The following UNC13D variants were observed in gnomAD, a reference collection of about 807,000 sequenced individuals.
UNC13D encodes the protein protein unc-13 homolog D.
UNC13D carries 115 observed loss-of-function variants against 151.7 expected under a neutral mutation model. The observed-to-expected ratio is 0.76, with a 90% CI of 0.65 to 0.88. The LOEUF (loss-of-function observed/expected upper bound fraction) is 0.88. Ranked by LOEUF, UNC13D falls within the 40% of genes least tolerant of loss-of-function variation. The pLI is 0.00. For missense variants in UNC13D, 1,369 were observed against 1,438.7 expected, an observed-to-expected ratio of 0.95 and a Z score of 0.78; for synonymous variants, 588 against 612.2, an observed-to-expected ratio of 0.96 and a Z score of 0.58.
At position 75,835,884 on chromosome 17, in the gene UNC13D, A is replaced by C. The variant is rs1288741055; in HGVS notation, c.1567T>G (p.Ser523Ala). The change falls in exon 18 of 32, where the codon TCC becomes GCC. Residue 523 changes from serine to alanine, a missense_variant. This residue lies in a region of UNC13D where 807 missense variants were observed against 795.5 expected (regional missense o/e 1.01). Coordinates refer to ENST00000207549, the MANE Select transcript of UNC13D (RefSeq NM_199242.3). ...FHNTLKIHLF[S>A]MAFRELQWLV... is the part of the protein sequence containing the mutation. ...CACTGCAGCTCCCGGAAAGCCATGGAGAAGAGGTGGATCTTGAGGGTACTG... is the reference window on the plus strand; with the variant it reads ...CACTGCAGCTCCCGGAAAGCCATGGCGAAGAGGTGGATCTTGAGGGTACTG... 1.2e-6 allele frequency: 2 copies of C among 1,614,148 alleles called. No homozygotes were observed. Among genetic ancestry groups the C allele is most frequent in the Non-Finnish European group, 1.7e-6 (2 of 1,180,010 alleles).
chr17:75,841,655 T>G (rs921757609), intron 6 of UNC13D, among the ~76,000 whole-genome samples: 2 of 150,706 alleles, frequency 1.3e-5, no homozygotes, highest in African/African-American at 4.9e-5. Context: ...TTGGCCAGGC[T>G]GGTCTCAAAC....
chr17:75,830,647 G>A lies in UNC13D; in HGVS notation c.2640C>T (p.Asp880=). The A allele has an allele frequency of 6.4e-7, 1 of 1,554,482 alleles. No individual in the cohort carries two copies. Among genetic ancestry groups the A allele is most frequent in the Non-Finnish European group, 8.7e-7 (1 of 1,149,234 alleles). The change falls in exon 28 of 32, where the codon GAC becomes GAT. Residue 880 remains aspartate (D), a synonymous_variant. Transcript: ENST00000207549. Reference sequence around the variant, plus strand: ...GGCTGGAGGCCGCCTGCAGCTCCAGGTCCCTCTGCAGAGCCTGGGAACACA... The same window carrying A: ...GGCTGGAGGCCGCCTGCAGCTCCAGATCCCTCTGCAGAGCCTGGGAACACA... ...HTATFQALQR[D]LELQAASSRE... is the part of the protein sequence containing the mutation.
chr17:75,831,771 G>C (rs1474477886), intron 25 of UNC13D: 1 of 198,800 alleles, frequency 5.0e-6, no homozygotes, highest in African/African-American at 2.3e-5. Flanking sequence ...GACCATCCTG[G>C]CCAACATGGT....
At position 75,843,492 on chromosome 17, in the gene UNC13D, G is replaced by T; in HGVS notation, c.145C>A (p.Pro49Thr). Residue 49 changes from proline to threonine, a missense_variant, in exon 2 of 32, where the codon CCC becomes ACC. Coordinates refer to ENST00000207549, the MANE Select transcript of UNC13D (RefSeq NM_199242.3). ...AGCACTCTGACTCTTACCTGCTCGG[G>T]GGAGAAGTGGTGGGATGGAGGCTGG... Reference protein sequence around the residue: ...EIQPPSHHFSPEQRALLYEDA... With the variant: ...EIQPPSHHFSTEQRALLYEDA... 6.2e-7 allele frequency: 1 copy of T among 1,610,858 alleles called. No homozygotes were observed. Among genetic ancestry groups the T allele is most frequent in the Non-Finnish European group, 8.5e-7 (1 of 1,179,182 alleles).
At chr17:75,842,318 C>T in intron 6 of UNC13D, 115 bp downstream of exon 6, 1 of 1,432,548 alleles carries the variant, frequency 7.0e-7, no homozygotes, top group Non-Finnish European at 9.4e-7. Context: ...AGTCTTTGCC[C>T]AGGGCCAAAC....
Position 75,834,314 on chromosome 17 carries a change from G to A in UNC13D, c.2298+11C>T, listed in dbSNP as rs770114072. The A allele has an allele frequency of 2.4e-5, 39 of 1,593,616 alleles. No individual in the cohort carries two copies. The East Asian group carries it at 3.8e-4, about 16-fold the overall frequency. ...GATGGGATGGGGTGACTGTGCGGTC[G>A]GACAAGGTACCTGCTCGGCCAGGGT... On this transcript the variant is annotated intron_variant, in intron 23 of 31. Coordinates refer to ENST00000207549, the MANE Select transcript of UNC13D (RefSeq NM_199242.3).
intron 12 of UNC13D, among the ~76,000 whole-genome samples, chr17:75,839,045 AG>A (rs1222469678): frequency 6.6e-6 from 1 of 151,794 alleles, no homozygotes; most frequent in African/African-American, 2.4e-5. Context: ...GCCTGCAGTG[AG>A]CCAAGATCGT....
rs565803730 is a variant in UNC13D, at chr17:75,840,729, C to A, written c.683+33G>T. On this transcript the variant is annotated intron_variant, in intron 8 of 31. Coordinates refer to ENST00000207549, the MANE Select transcript of UNC13D (RefSeq NM_199242.3). The surrounding 1 kb of genome is among the most constrained non-coding windows in gnomAD (Gnocchi z 4.6). ...GGGGGATGGAGGGCAAAAGGAGCCC[C>A]AACCCCTTCCCTGTGAGCCCTGCAA... 6.2e-7 allele frequency: 1 copy of A among 1,613,648 alleles called. No homozygotes were observed. Among genetic ancestry groups the A allele is most frequent in the Admixed American group, 1.7e-5 (1 of 60,022 alleles).
chr17:75,842,711 G>A, intron 5 of UNC13D, 98 bp from the exon 6 acceptor site: 1 of 1,600,278 alleles, frequency 6.2e-7, no homozygotes, highest in Non-Finnish European at 8.5e-7. Context: ...TCCTCCGGGG[G>A]AGAGGGAAGG....
chr17:75,842,689 C>T (rs1343654216), intron 5 of UNC13D, 76 bp from the exon 6 acceptor site: 6 of 1,605,252 alleles, frequency 3.7e-6, no homozygotes, highest in African/African-American at 1.3e-5. Context: ...CACCCCCGCC[C>T]GGGGCTGAGC....
rs754493546 is a variant in UNC13D at position 75,831,151 on chromosome 17, G to A, written c.2572C>T (p.His858Tyr). The A allele has an allele frequency of 6.2e-7, 1 of 1,614,056 alleles. No individual in the cohort carries two copies. The highest frequency in any genetic ancestry group is 1.3e-5 in the African/African-American group (1 of 75,052). Residue 858 changes from histidine to tyrosine, a missense_variant, in exon 27 of 32, where the codon CAC becomes TAC. His to Tyr is a moderately conservative substitution (Grantham distance 83). Coordinates refer to ENST00000207549, the MANE Select transcript of UNC13D (RefSeq NM_199242.3). ...GGTGGCAGGCCACAGCCCTCAGCGT[G>A]GAAGCAGATCTCCAGGTTCTGGGGG... ...IALQNLEICFHAEGCGLPPKA... is the reference protein window; with the variant it reads ...IALQNLEICFYAEGCGLPPKA...
At position 75,833,909 on chromosome 17, in the gene UNC13D, T is replaced by C. The variant is rs1403928337; in HGVS notation, c.2367+166A>G. On this transcript the variant is annotated intron_variant, in intron 24 of 31. Transcript: ENST00000207549. This position sits in a 1 kb window ranked among gnomAD's most constrained non-coding sequence, Gnocchi z 4.0. Reference sequence around the variant, plus strand: ...GTCAGTGCTGGGACAGCCAGTGGAGTGACCCAACCCGTTCCTGTGAGCATC... The same window carrying C: ...GTCAGTGCTGGGACAGCCAGTGGAGCGACCCAACCCGTTCCTGTGAGCATC... Among the ~76,000 whole-genome samples the C allele has an allele frequency of 1.3e-5, 2 of 152,086 alleles. No homozygotes were observed. The highest frequency in any genetic ancestry group is 3.4e-3 in the Middle Eastern group (1 of 294).
In UNC13D at chr17:75,835,819, T is replaced by C. The variant is rs3744026; in HGVS notation, c.1596+36A>G. 172,289 of 1,613,888 alleles carry C rather than the reference T, an allele frequency of 0.11. 21,362 individuals carry two copies. Among genetic ancestry groups the C allele is most frequent in the African/African-American group, 0.59 (44,594 of 74,990 alleles). On this transcript the variant is annotated intron_variant, in intron 18 of 31. Transcript: ENST00000207549. Reference sequence around the variant, plus strand: ...TGGAGGGCGGGGCCCACAGCTCTGTTGGAGGGCATGCCCTAGAGACGGGGG... The same window carrying C: ...TGGAGGGCGGGGCCCACAGCTCTGTCGGAGGGCATGCCCTAGAGACGGGGG...
At chr17:75,829,514 T>C (rs532714659) in intron 30 of UNC13D, 318 of 182,272 alleles carry the variant, frequency 1.7e-3, no homozygotes, top group African/African-American at 2.6e-3. Flanking sequence ...AGGATGGTCT[T>C]GATCTCCTGA....
chr17:75,837,972 C>T (rs1352918796), intron 12 of UNC13D, among the ~76,000 whole-genome samples: 1 of 152,116 alleles, frequency 6.6e-6, no homozygotes, highest in Non-Finnish European at 1.5e-5. Context: ...TGTGCTTGGG[C>T]CCTGCAGGCA....
chr17:75,829,970 G>A, intron 30 of UNC13D, 58 bp downstream of exon 30: 1 of 1,556,708 alleles, frequency 6.4e-7, no homozygotes, highest in Non-Finnish European at 8.7e-7. Flanking sequence ...GCAGGCCTGA[G>A]GGAGCCCAGT....
chr17:75,831,489 TCCCA>T, intron 25 of UNC13D, 141 bp from the exon 26 acceptor site: 1 of 733,824 alleles, frequency 1.4e-6, no homozygotes. Flanking sequence ...CCCCTCCGCC[TCCCA>T]CCCCAGGTGA....
intron 29 of UNC13D, 96 bp downstream of exon 29, chr17:75,830,266 C>G: frequency 6.4e-7 from 1 of 1,556,866 alleles, no homozygotes; most frequent in Admixed American, 1.9e-5. Flanking sequence ...GAAATGCACC[C>G]AGAGCTCCTG....
chr17:75,838,786 C>T (rs1372032230), intron 12 of UNC13D, among the ~76,000 whole-genome samples: 1 of 152,196 alleles, frequency 6.6e-6, no homozygotes, highest in African/African-American at 2.4e-5. Flanking sequence ...GCACACACAT[C>T]GCTCCGCTCT....
Sources: allele counts gnomAD v4.1 joint callset (sites outside exome capture counted in the v4.1 genomes callset), GRCh38; gene constraint gnomAD v4.1.1; regional missense constraint gnomAD v4.1.1; non-coding constraint Gnocchi (gnomAD v3.1); transcripts MANE v1.5; gene names NCBI Gene and HGNC (gene_info 2026-07-23, HGNC 2026-07-21).